The following RARG variants were observed in gnomAD, a reference collection of about 807,000 sequenced individuals.
RARG encodes the protein retinoic acid receptor gamma.
Under a neutral mutation model 43.7 loss-of-function variants are expected in RARG, and 17 were observed. The observed-to-expected ratio is 0.39, with a 90% CI of 0.27 to 0.58. The LOEUF (loss-of-function observed/expected upper bound fraction) is 0.58, where lower values mean the gene tolerates loss of function less well. Ranked by LOEUF, RARG falls within the 20% of genes least tolerant of loss-of-function variation. The pLI, the probability that RARG is intolerant of heterozygous loss-of-function variation, is 0.57. For missense variants in RARG, 346 were observed against 598.7 expected (o/e 0.58, Z 4.40); for synonymous variants, 238 against 236.4 (o/e 1.01, Z -0.06).
At position 53,218,671 on chromosome 12, in the gene RARG, G is replaced by T. The variant is rs1942846802; in HGVS notation, c.185-2877C>A. Among the ~76,000 whole-genome samples, 3 of 151,562 alleles carry T rather than the reference G, an allele frequency of 2.0e-5. No homozygotes were observed. The South Asian group carries it at 6.2e-4, about 31-fold the overall frequency. The stretch of plus-strand genomic sequence containing the variant: ...GCTTCCCAGTTGTTAAATTTGAGCA[G>T]CTCTGCTCTGGAACCAAAAAAAAAA... On this transcript the variant is annotated intron_variant, in intron 3 of 9. Coordinates refer to ENST00000425354, the MANE Select transcript of RARG (RefSeq NM_000966.6).
intron 3 of RARG, among the ~76,000 whole-genome samples, chr12:53,222,258 G>GAGA (rs1565727660): frequency 1.2e-3 from 137 of 116,058 alleles, no homozygotes; most frequent in Middle Eastern, 8.8e-3. Flanking sequence ...GAGAAAGAAA[G>GAGA]AAGAAAGAAA....
chr12:53,224,700 C>G (rs1301082623), intron 3 of RARG, among the ~76,000 whole-genome samples: 2 of 151,312 alleles, frequency 1.3e-5, no homozygotes, highest in African/African-American at 4.9e-5. Context: ...TAGCAACCCA[C>G]CCCCAAGCCT....
At chr12:53,220,117 G>A (rs1942910525) in intron 3 of RARG, 2 of 1,550,134 alleles carry the variant, frequency 1.3e-6, no homozygotes, top group Admixed American at 2.0e-5. Flanking sequence ...CCGGCTTGAA[G>A]GGAAACTGGG....
At chr12:53,222,164 TC>T (rs560647637) in intron 3 of RARG, among the ~76,000 whole-genome samples, 115 of 144,110 alleles carry the variant, frequency 8.0e-4, no homozygotes, top group African/African-American at 2.9e-3. Context: ...TCCCTTCTCC[TC>T]CCCCAACCCC....
intron 3 of RARG, chr12:53,220,210 C>A: frequency 7.9e-7 from 1 of 1,259,044 alleles, no homozygotes; most frequent in East Asian, 5.5e-5. Context: ...AGGGGGAGGG[C>A]TAGCATAGGG....
rs545467606 is a variant in RARG, at chr12:53,213,221, G to C, written c.1041C>G (p.Pro347=). 2 of 1,598,430 alleles carry C rather than the reference G, an allele frequency of 1.3e-6. No homozygotes were observed. Among genetic ancestry groups the C allele is most frequent in the Non-Finnish European group, 1.7e-6 (2 of 1,165,950 alleles). The part of the protein sequence containing the change: ...ICGDRMDLEE[P]EKVDKLQEPL... ...GCTCCTGCAGCTTGTCCACTTTTTC[G>C]GGCTCCTCCAGGTCCATGCGGTCTA... Residue 347 remains proline (P), a synonymous_variant, in exon 9 of 10, where the codon CCC becomes CCG. Coordinates refer to ENST00000425354, the MANE Select transcript of RARG (RefSeq NM_000966.6). This position sits in a 1 kb window ranked among gnomAD's most constrained non-coding sequence, Gnocchi z 4.7.
At chr12:53,217,380 AG>A (rs2120649125) in intron 3 of RARG, among the ~76,000 whole-genome samples, 1 of 152,306 alleles carries the variant, frequency 6.6e-6, no homozygotes, top group East Asian at 1.9e-4. Context: ...GTTCTGCCCA[AG>A]GCCTGTGCGT....
At chr12:53,220,767 G>A (rs909081625) in intron 3 of RARG, among the ~76,000 whole-genome samples, 11 of 152,104 alleles carry the variant, frequency 7.2e-5, no homozygotes, top group Non-Finnish European at 1.5e-4. Flanking sequence ...TCCTTTCAGA[G>A]TTTTCCCTCT....
chr12:53,213,916 G>A lies in RARG; in HGVS notation c.813+143C>T. On this transcript the variant is annotated intron_variant, in intron 7 of 9. Transcript: ENST00000425354. This position sits in a 1 kb window ranked among gnomAD's most constrained non-coding sequence, Gnocchi z 4.7. ...AGTCTAGGATCAGGTCATAGGGGCA[G>A]AGGCTAAGACGAAAAGAGAGCTGAG... 1 of 1,156,290 alleles carries A rather than the reference G, an allele frequency of 8.6e-7. No individual in the cohort carries two copies. 71.6% of individuals were successfully genotyped at this position (1,156,290 alleles called of 1,614,324 possible).
intron 3 of RARG, among the ~76,000 whole-genome samples, chr12:53,221,918 T>TG (rs879499618): frequency 2.1e-5 from 3 of 144,184 alleles, no homozygotes; most frequent in African/African-American, 5.1e-5. Flanking sequence ...TTGTACCGGG[T>TG]GGGGGGCGCA....
Position 53,212,005 on chromosome 12 carries a change from A to T in RARG, c.1178-142T>A, listed in dbSNP as rs74318129. Reference sequence around the variant, plus strand: ...CCCACCACCTCTCCGTCCCCAGCTCATCCTCTTCTCACTAGGCTTCCTGGG... The same window carrying T: ...CCCACCACCTCTCCGTCCCCAGCTCTTCCTCTTCTCACTAGGCTTCCTGGG... On this transcript the variant is annotated intron_variant, in intron 9 of 9. Transcript: ENST00000425354. The T allele has an allele frequency of 3.5e-3, 1,846 of 525,332 alleles. 28 individuals are homozygous for T. Among genetic ancestry groups the T allele is most frequent in the African/African-American group, 0.032 (1,651 of 50,906 alleles). 32.5% of individuals were successfully genotyped at this position (525,332 alleles called of 1,614,324 possible). A position where few individuals can be genotyped will look rare whatever the true frequency, so the allele number is the denominator to read the frequency against.
chr12:53,216,841 T>TGCGCGCGC (rs61199415), intron 3 of RARG, among the ~76,000 whole-genome samples: 1 of 129,382 alleles, frequency 7.7e-6, no homozygotes, highest in Non-Finnish European at 1.6e-5. Context: ...TGTGTGTGTG[T>TGCGCGCGC]GCGCGCGCGC....
chr12:53,221,206 A>T (rs556785086), intron 3 of RARG, among the ~76,000 whole-genome samples: 11 of 132,014 alleles, frequency 8.3e-5, no homozygotes, highest in Non-Finnish European at 1.4e-4. Flanking sequence ...TCCTAGCCCG[A>T]GCAGTCCGCC....
chr12:53,218,829 C>T (rs1220923613), intron 3 of RARG, among the ~76,000 whole-genome samples: 1 of 151,092 alleles, frequency 6.6e-6, no homozygotes, highest in African/African-American at 2.4e-5. Context: ...CCCTTCCCAG[C>T]GTGCCCCCAA....
intron 3 of RARG, among the ~76,000 whole-genome samples, chr12:53,224,168 G>A (rs1943054917): frequency 1.3e-5 from 2 of 152,006 alleles, no homozygotes; most frequent in South Asian, 4.2e-4. Context: ...ACAGGCCTGT[G>A]CTTGCCTCAG....
intron 3 of RARG, among the ~76,000 whole-genome samples, chr12:53,218,931 C>A (rs969092620): frequency 6.6e-6 from 1 of 151,994 alleles, no homozygotes; most frequent in African/African-American, 2.4e-5. Flanking sequence ...GCTCCTGGCC[C>A]CTCCCCACAC....
rs903215495 is a variant in RARG at position 53,211,906 on chromosome 12, C to G, written c.1178-43G>C. 4 of 1,352,840 alleles carry G rather than the reference C, an allele frequency of 3.0e-6. No individual in the cohort carries two copies. In the Admixed American group the frequency reaches 8.6e-5, roughly 29 times the overall value. 83.8% of individuals were successfully genotyped at this position (1,352,840 alleles called of 1,614,324 possible). On this transcript the variant is annotated intron_variant, in intron 9 of 9. Transcript: ENST00000425354. The surrounding 1 kb of genome is among the most constrained non-coding windows in gnomAD (Gnocchi z 4.6). ...AGAGAGAGGCTCAGGAGGACAGAGG[C>G]ACATGGCCCTTAAGGCCATCTCCCT...
At chr12:53,221,137 C>A (rs921289534) in intron 3 of RARG, among the ~76,000 whole-genome samples, 3 of 148,822 alleles carry the variant, frequency 2.0e-5, no homozygotes, top group African/African-American at 7.4e-5. Context: ...CCGCCCAGGC[C>A]GTCTTCAGCG....
chr12:53,222,486 T>A (rs1360151431), intron 3 of RARG, among the ~76,000 whole-genome samples: 2 of 152,032 alleles, frequency 1.3e-5, no homozygotes, highest in African/African-American at 4.8e-5. Flanking sequence ...CCCAATTAAG[T>A]CAGGCCTGCC....
Sources: gnomAD v4.1 joint callset for allele counts (sites outside exome capture counted in the v4.1 genomes callset) on GRCh38, gnomAD v4.1.1 for gene constraint, Gnocchi (gnomAD v3.1) non-coding constraint, MANE v1.5 for transcripts, NCBI Gene and HGNC (gene_info 2026-07-23, HGNC 2026-07-21) for gene names.